The following ATP6V1C2 variants were observed in gnomAD, a reference collection of about 807,000 sequenced individuals.
The protein encoded by ATP6V1C2 is V-type proton ATPase subunit C 2.
Under a neutral mutation model 56.8 loss-of-function variants are expected in ATP6V1C2, and 45 were observed. The ratio of observed to expected loss-of-function variants is 0.79; its 90% confidence interval spans 0.62 to 1.02. ATP6V1C2 has a LOEUF of 1.02. Among genes scored for constraint, ATP6V1C2 ranks in the 50% least tolerant of loss-of-function variants. The pLI, the probability that ATP6V1C2 is intolerant of heterozygous loss-of-function variation, is 0.00. For missense variants in ATP6V1C2, 463 were observed against 519.7 expected (o/e 0.89, Z 1.06); for synonymous variants, 220 against 201.3 (o/e 1.09, Z -0.79).
chr2:10,739,322 A>G lies in ATP6V1C2; in HGVS notation c.197+12753A>G, dbSNP rs559234264. Among the ~76,000 whole-genome samples, 168 of 152,164 alleles carry G rather than the reference A, an allele frequency of 1.1e-3. 2 individuals carry two copies. Among genetic ancestry groups the G allele is most frequent in the African/African-American group, 3.6e-3 (149 of 41,506 alleles). The stretch of plus-strand genomic sequence containing the variant: ...TAAATAAATAAAAGCACTGTATCAC[A>G]TGGCTCTCCTGCATGAAACCCTCCA... On this transcript the variant is annotated intron_variant, in intron 3 of 13. Coordinates refer to ENST00000272238, the MANE Select transcript of ATP6V1C2 (RefSeq NM_001039362.2).
At chr2:10,740,023 G>A (rs891757182) in intron 3 of ATP6V1C2, among the ~76,000 whole-genome samples, 1 of 150,684 alleles carries the variant, frequency 6.6e-6, no homozygotes, top group African/African-American at 2.4e-5. Context: ...AGGAGGCAGA[G>A]GTTGCAGTGA....
intron 6 of ATP6V1C2, among the ~76,000 whole-genome samples, chr2:10,769,087 C>T (rs897262461): frequency 2.6e-5 from 4 of 152,252 alleles, no homozygotes; most frequent in African/African-American, 9.6e-5. Flanking sequence ...TTCTCCAGGG[C>T]GCCTGGGTGC....
intron 4 of ATP6V1C2, among the ~76,000 whole-genome samples, 195 bp from the exon 5 acceptor site, chr2:10,764,136 G>A (rs1279299585): frequency 1.3e-5 from 2 of 152,176 alleles, no homozygotes; most frequent in African/African-American, 4.8e-5. Flanking sequence ...TGCTTGGGCT[G>A]ACAGCTCCCA....
At chr2:10,774,175 C>T (rs1664809110) in intron 8 of ATP6V1C2, among the ~76,000 whole-genome samples, 1 of 152,232 alleles carries the variant, frequency 6.6e-6, no homozygotes, top group African/African-American at 2.4e-5. Flanking sequence ...TGGGCATGGG[C>T]TCTGAGAAAC....
At position 10,783,697 on chromosome 2, in the gene ATP6V1C2, G is replaced by A. The variant is rs935682422; in HGVS notation, c.*434G>A. On this transcript the variant is annotated 3_prime_UTR_variant, in exon 14 of 14. Transcript: ENST00000272238. ...AGCCCGGTTTCCATGTAAAATCTCT[G>A]TTGTGGTGGGCATAGGTGGCACCAT... 6 of 163,174 alleles carry A rather than the reference G, an allele frequency of 3.7e-5. No homozygotes were observed. The highest frequency in any genetic ancestry group is 1.2e-4 in the Admixed American group (2 of 16,372). 10.1% of individuals were successfully genotyped at this position (163,174 alleles called of 1,614,324 possible). A position where few individuals can be genotyped will look rare whatever the true frequency, so the allele number is the denominator to read the frequency against.
intron 3 of ATP6V1C2, among the ~76,000 whole-genome samples, chr2:10,749,934 G>A (rs1308497120): frequency 1.3e-5 from 2 of 152,188 alleles, no homozygotes; most frequent in Non-Finnish European, 2.9e-5. Flanking sequence ...AAAGGAATGA[G>A]GAACCAGTCT....
chr2:10,779,138 CTT>C (rs1250998882), intron 12 of ATP6V1C2, among the ~76,000 whole-genome samples: 2 of 151,572 alleles, frequency 1.3e-5, no homozygotes, highest in African/African-American at 4.9e-5. Context: ...GAGTTTCACT[CTT>C]GTCGCCCAGG....
chr2:10,764,710 G>A (rs1259641282), intron 5 of ATP6V1C2, among the ~76,000 whole-genome samples: 1 of 152,186 alleles, frequency 6.6e-6, no homozygotes, highest in Admixed American at 6.5e-5. Flanking sequence ...GGTGGCTTAC[G>A]CCTGTAATCC....
At chr2:10,768,934 A>G (rs1664405578) in intron 6 of ATP6V1C2, 124 bp downstream of exon 6, 2 of 749,082 alleles carry the variant, frequency 2.7e-6, no homozygotes, top group Admixed American at 4.6e-5. Flanking sequence ...ACAGACAGAC[A>G]GGTGGAGGCA....
intron 3 of ATP6V1C2, among the ~76,000 whole-genome samples, chr2:10,743,051 C>T (rs1662653948): frequency 6.6e-6 from 1 of 152,224 alleles, no homozygotes; most frequent in Non-Finnish European, 1.5e-5. Flanking sequence ...AGGGGCTGGG[C>T]CTGAGTAGCA....
rs1279454951 is a variant in ATP6V1C2 at position 10,776,542 on chromosome 2, AG to A, written c.826-1041del. ...TGAGCTCCAAAGTGTTTTCTTCCTT[AG>A]GCTCAGCTCACCTGAAACCCTCGCT... On this transcript the variant is annotated intron_variant, in intron 10 of 13. Coordinates refer to ENST00000272238, the MANE Select transcript of ATP6V1C2 (RefSeq NM_001039362.2). Among the ~76,000 whole-genome samples the A allele has an allele frequency of 7.9e-5, 12 of 152,314 alleles. No homozygotes were observed. In the East Asian group the frequency reaches 2.3e-3, roughly 29 times the overall value.
intron 3 of ATP6V1C2, among the ~76,000 whole-genome samples, chr2:10,745,471 C>T (rs1389594024): frequency 6.6e-6 from 1 of 151,874 alleles, no homozygotes; most frequent in Non-Finnish European, 1.5e-5. Context: ...TCTCCTGCCT[C>T]AGCCTCCCAA....
intron 4 of ATP6V1C2, among the ~76,000 whole-genome samples, chr2:10,758,892 C>T (rs987484072): frequency 6.6e-6 from 1 of 152,164 alleles, no homozygotes; most frequent in Non-Finnish European, 1.5e-5. Flanking sequence ...TGGTCTTGAT[C>T]TCTTGACCTT....
chr2:10,769,043 T>C (rs1311422777), intron 6 of ATP6V1C2, among the ~76,000 whole-genome samples: 1 of 152,120 alleles, frequency 6.6e-6, no homozygotes, highest in Non-Finnish European at 1.5e-5. Context: ...GATGTGGCCA[T>C]GCTGCTCCTC....
In ATP6V1C2 at chr2:10,777,644, G is replaced by A. The variant is rs987549600; in HGVS notation, c.885G>A (p.Lys295=). The A allele has an allele frequency of 2.5e-6, 4 of 1,614,020 alleles. No individual in the cohort carries two copies. In the African/African-American group the frequency reaches 4.0e-5, roughly 16 times the overall value. Residue 295 remains lysine (K), a synonymous_variant, in exon 11 of 14, where the codon AAG becomes AAA. Coordinates refer to ENST00000272238, the MANE Select transcript of ATP6V1C2 (RefSeq NM_001039362.2). ...GSSTFPDHKV[K]VTPLGNPDRP... ...CCACCTTCCCGGACCACAAGGTTAAGGTAACCCCGCTAGGTAACCCTGATA... is the reference window on the plus strand; with the variant it reads ...CCACCTTCCCGGACCACAAGGTTAAAGTAACCCCGCTAGGTAACCCTGATA...
At chr2:10,752,469 G>A (rs538694675) in intron 3 of ATP6V1C2, among the ~76,000 whole-genome samples, 56 of 152,256 alleles carry the variant, frequency 3.7e-4, no homozygotes, top group Middle Eastern at 3.4e-3. Context: ...TCCTGAGGGC[G>A]GGGAGAATGT....
chr2:10,758,686 C>T (rs953378366), intron 4 of ATP6V1C2, among the ~76,000 whole-genome samples: 58 of 150,728 alleles, frequency 3.8e-4, no homozygotes, highest in East Asian at 2.1e-3. Context: ...CTTTTTGAGA[C>T]GGAGTCTTGC....
chr2:10,764,313 G>A lies in ATP6V1C2; in HGVS notation c.284-18G>A, dbSNP rs761010672. On this transcript the variant is annotated intron_variant, in intron 4 of 13. Coordinates refer to ENST00000272238, the MANE Select transcript of ATP6V1C2 (RefSeq NM_001039362.2). ...AGAGCGCAGGCTCATGTGTTGAAATGTGTTTGTATTCTTCCAGTTGACTTA... is the reference window on the plus strand; with the variant it reads ...AGAGCGCAGGCTCATGTGTTGAAATATGTTTGTATTCTTCCAGTTGACTTA... The A allele has an allele frequency of 1.3e-6, 2 of 1,587,990 alleles. No individual in the cohort carries two copies. The highest frequency in any genetic ancestry group is 2.7e-5 in the African/African-American group (2 of 74,340).
intron 5 of ATP6V1C2, among the ~76,000 whole-genome samples, chr2:10,766,625 A>C (rs2148485019): frequency 6.6e-6 from 1 of 152,346 alleles, no homozygotes; most frequent in East Asian, 1.9e-4. Flanking sequence ...TATTTTAAAA[A>C]GCAAGATCTG....
Sources: allele counts gnomAD v4.1 joint callset (sites outside exome capture counted in the v4.1 genomes callset), GRCh38; gene constraint gnomAD v4.1.1; transcripts MANE v1.5; gene names NCBI Gene and HGNC (gene_info 2026-07-23, HGNC 2026-07-21).